The following ACYP2 variants were observed in gnomAD, a reference collection of about 807,000 sequenced individuals.
The protein encoded by ACYP2 is acylphosphatase 2.
A neutral mutation model predicts 11.2 loss-of-function variants in ACYP2; 12 were observed. That is an observed-to-expected ratio of 1.08 (90% CI 0.69 to 1.74). The LOEUF (loss-of-function observed/expected upper bound fraction) is 1.74, where lower values mean the gene tolerates loss of function less well. Among genes scored for constraint, ACYP2 ranks in the 40% most tolerant of loss-of-function variants. The pLI is 0.00. For synonymous variants in ACYP2, 43 were observed against 32.2 expected (o/e 1.33, Z -1.13); for missense variants, 134 against 101.9 (o/e 1.31, Z -1.35).
chr2:54,277,687 A>T (rs906808016), intron 6 of ACYP2, among the ~76,000 whole-genome samples: 4 of 152,264 alleles, frequency 2.6e-5, no homozygotes, highest in Admixed American at 6.5e-5. Context: ...TAAAAAAAAA[A>T]ATGATTTCAA....
chr2:54,141,917 A>G (rs750859491), intron 6 of ACYP2: 4 of 617,494 alleles, frequency 6.5e-6, no homozygotes, highest in Middle Eastern at 5.0e-4. Context: ...GACTCACTGC[A>G]GCCTTGACCT....
At chr2:54,085,873 A>G (rs1677918982) in intron 4 of ACYP2, among the ~76,000 whole-genome samples, 2 of 151,670 alleles carry the variant, frequency 1.3e-5, no homozygotes, top group Non-Finnish European at 2.9e-5. Flanking sequence ...TGGGAAAAAT[A>G]TGTATATATA....
At chr2:54,173,560 T>A (rs961937997) in intron 6 of ACYP2, among the ~76,000 whole-genome samples, 8 of 152,200 alleles carry the variant, frequency 5.3e-5, no homozygotes, top group Admixed American at 2.0e-4. Context: ...CCCATTTGTC[T>A]ATTTCGGCTT....
chr2:54,284,586 C>CT (rs924403923), intron 6 of ACYP2, among the ~76,000 whole-genome samples: 25 of 151,602 alleles, frequency 1.6e-4, no homozygotes, highest in African/African-American at 2.9e-4. Flanking sequence ...ACATCATCAC[C>CT]TTTTTTTTTA....
intron 2 of ACYP2, among the ~76,000 whole-genome samples, chr2:53,999,258 T>A (rs1672699187): frequency 6.6e-6 from 1 of 152,160 alleles, no homozygotes. Context: ...CAATAGCAAG[T>A]TTATGAGCCC....
intron 6 of ACYP2, among the ~76,000 whole-genome samples, chr2:54,220,458 C>T (rs1685755085): frequency 6.6e-6 from 1 of 152,132 alleles, no homozygotes; most frequent in Non-Finnish European, 1.5e-5. Context: ...TTAAATCAAT[C>T]TTAATATATT....
chr2:54,081,197 T>A (rs1572708500), intron 4 of ACYP2, among the ~76,000 whole-genome samples: 1 of 152,222 alleles, frequency 6.6e-6, no homozygotes, highest in East Asian at 1.9e-4. Context: ...TTTATAATAC[T>A]GCTATAGTTT....
At chr2:54,196,292 A>C (rs1431980146) in intron 6 of ACYP2, among the ~76,000 whole-genome samples, 1 of 152,084 alleles carries the variant, frequency 6.6e-6, no homozygotes, top group Non-Finnish European at 1.5e-5. Context: ...CGCTCACTGC[A>C]ATCTCCACCT....
chr2:54,218,500 A>T (rs1037149863), intron 6 of ACYP2, among the ~76,000 whole-genome samples: 1 of 152,232 alleles, frequency 6.6e-6, no homozygotes, highest in Non-Finnish European at 1.5e-5. Context: ...GATACTAAAC[A>T]TTGAAGAGTT....
At chr2:54,012,898 G>A (rs570450387) in intron 2 of ACYP2, among the ~76,000 whole-genome samples, 1 of 152,030 alleles carries the variant, frequency 6.6e-6, no homozygotes, top group Non-Finnish European at 1.5e-5. Context: ...GGCCCTGAGT[G>A]CTCTGACCTG....
chr2:54,196,884 G>A (rs571892249), intron 6 of ACYP2, among the ~76,000 whole-genome samples: 21 of 152,340 alleles, frequency 1.4e-4, no homozygotes, highest in African/African-American at 5.1e-4. Flanking sequence ...TGCTTGAACT[G>A]TTGCTTGCTG....
chr2:54,141,872 C>G (rs937755452), intron 6 of ACYP2: 3 of 637,184 alleles, frequency 4.7e-6, no homozygotes, highest in Middle Eastern at 2.4e-4. Flanking sequence ...GGGTCTTGCT[C>G]TCTCTCCTAG....
chr2:54,108,982 G>C (rs1679316880), intron 4 of ACYP2, among the ~76,000 whole-genome samples: 1 of 152,014 alleles, frequency 6.6e-6, no homozygotes, highest in Non-Finnish European at 1.5e-5. Context: ...AAAGGTTTTA[G>C]TATATTTGAT....
intron 4 of ACYP2, among the ~76,000 whole-genome samples, chr2:54,134,303 A>C (rs150974550): frequency 1.1e-3 from 165 of 152,218 alleles, no homozygotes; most frequent in Middle Eastern, 6.8e-3. Flanking sequence ...AAAATAAATA[A>C]ATAAGTAAGT....
At chr2:54,093,419 G>A (rs1012800064) in intron 4 of ACYP2, among the ~76,000 whole-genome samples, 29 of 152,108 alleles carry the variant, frequency 1.9e-4, no homozygotes, top group African/African-American at 6.5e-4. Context: ...AATTAATATC[G>A]TATGCAAATA....
At chr2:54,236,379 C>T (rs1043975724) in intron 6 of ACYP2, among the ~76,000 whole-genome samples, 28 of 152,104 alleles carry the variant, frequency 1.8e-4, no homozygotes, top group Admixed American at 1.8e-3. Context: ...TTTAATGGTG[C>T]ACCTCATAAA....
At chr2:54,129,881 TTAA>T (rs1368905986) in intron 4 of ACYP2, among the ~76,000 whole-genome samples, 2 of 148,378 alleles carry the variant, frequency 1.3e-5, no homozygotes, top group South Asian at 2.1e-4. Flanking sequence ...GTTAATATTA[TTAA>T]TGATATTATA....
chr2:54,085,690 C>T (rs757871661), intron 4 of ACYP2, among the ~76,000 whole-genome samples: 1 of 152,144 alleles, frequency 6.6e-6, no homozygotes, highest in South Asian at 2.1e-4. Context: ...TAAGTGAGGA[C>T]TTACTGTGTA....
intron 6 of ACYP2, among the ~76,000 whole-genome samples, chr2:54,181,690 C>T (rs1431303494): frequency 3.3e-5 from 5 of 152,188 alleles, no homozygotes; most frequent in Non-Finnish European, 5.9e-5. Flanking sequence ...TTATTAAGCA[C>T]TTACTATGTG....
Sources: allele counts gnomAD v4.1 joint callset (sites outside exome capture counted in the v4.1 genomes callset), GRCh38; gene constraint gnomAD v4.1.1; transcripts MANE v1.5; gene names NCBI Gene and HGNC (gene_info 2026-07-23, HGNC 2026-07-21).